The following RAP1GDS1 variants were observed in gnomAD, a reference collection of about 807,000 sequenced individuals.
RAP1GDS1 encodes Rap1 GTPase-GDP dissociation stimulator 1, also known as RAP1, GTP-GDP dissociation stimulator 1.
A neutral mutation model predicts 71.1 loss-of-function variants in RAP1GDS1; 35 were observed. That is an observed-to-expected ratio of 0.49 (90% confidence interval 0.38 to 0.65). RAP1GDS1 has a LOEUF of 0.65. Among genes scored for constraint, RAP1GDS1 ranks in the 30% least tolerant of loss-of-function variants. The pLI, the probability that RAP1GDS1 is intolerant of heterozygous loss-of-function variation, is 0.00. For missense variants in RAP1GDS1, 663 were observed against 706.1 expected (o/e 0.94, Z 0.69); for synonymous variants, 229 against 243.1 (o/e 0.94, Z 0.54).
chr4:98,338,434 A>T (rs1480840171), intron 2 of RAP1GDS1, among the ~76,000 whole-genome samples: 2 of 152,166 alleles, frequency 1.3e-5, no homozygotes, highest in Non-Finnish European at 2.9e-5. Flanking sequence ...AGATCAGATC[A>T]CCCAAAGCAG....
At chr4:98,390,858 A>G (rs532916122) in intron 5 of RAP1GDS1, among the ~76,000 whole-genome samples, 1 of 152,274 alleles carries the variant, frequency 6.6e-6, no homozygotes, top group East Asian at 1.9e-4. Context: ...GAATTTGGGG[A>G]AAATTATTAG....
At chr4:98,416,602 G>C in intron 7 of RAP1GDS1, 143 bp from the exon 8 acceptor site, 1 of 597,706 alleles carries the variant, frequency 1.7e-6, no homozygotes, top group Non-Finnish European at 2.6e-6. Flanking sequence ...CGCCCATCTC[G>C]GCCTCCCAAA....
chr4:98,313,910 G>A (rs1730606211), intron 2 of RAP1GDS1, among the ~76,000 whole-genome samples: 1 of 152,048 alleles, frequency 6.6e-6, no homozygotes, highest in Non-Finnish European at 1.5e-5. Flanking sequence ...AACCTCACAA[G>A]GAGGCTCCAA....
chr4:98,370,350 CATGTTA>C (rs1740186168), intron 4 of RAP1GDS1, among the ~76,000 whole-genome samples: 1 of 152,092 alleles, frequency 6.6e-6, no homozygotes. Context: ...CTAGAGAAAA[CATGTTA>C]ATGTTACCAT....
At chr4:98,348,253 A>G (rs1307012140) in intron 3 of RAP1GDS1, among the ~76,000 whole-genome samples, 1 of 152,044 alleles carries the variant, frequency 6.6e-6, no homozygotes, top group Non-Finnish European at 1.5e-5. Context: ...GCTGAGAATG[A>G]TGGTTTCCAC....
At chr4:98,358,633 T>C (rs964420579) in intron 4 of RAP1GDS1, among the ~76,000 whole-genome samples, 1 of 152,068 alleles carries the variant, frequency 6.6e-6, no homozygotes, top group African/African-American at 2.4e-5. Flanking sequence ...ATCAGTTTGA[T>C]GGAAACCTGA....
intron 4 of RAP1GDS1, among the ~76,000 whole-genome samples, chr4:98,358,987 C>G (rs1017358389): frequency 1.3e-5 from 2 of 151,856 alleles, no homozygotes; most frequent in Admixed American, 6.6e-5. Flanking sequence ...ATTCTCTTCC[C>G]TATGGGAAAT....
chr4:98,428,681 A>C (rs10022966), intron 12 of RAP1GDS1, among the ~76,000 whole-genome samples: 22,128 of 152,086 alleles, frequency 0.15, 2,370 homozygotes, highest in African/African-American at 0.3. Context: ...ATAATCAAAT[A>C]AAAAAATAAT....
At chr4:98,308,266 AC>A (rs1376044603) in intron 2 of RAP1GDS1, among the ~76,000 whole-genome samples, 5 of 141,788 alleles carry the variant, frequency 3.5e-5, no homozygotes, top group Non-Finnish European at 7.6e-5. Flanking sequence ...ATATACACAC[AC>A]ACCCACACAC....
intron 2 of RAP1GDS1, among the ~76,000 whole-genome samples, chr4:98,325,176 C>A (rs943816632): frequency 6.6e-6 from 1 of 151,822 alleles, no homozygotes; most frequent in Non-Finnish European, 1.5e-5. Flanking sequence ...AAAAAATGCT[C>A]ACCATCACTG....
At chr4:98,290,939 C>T (rs1385558799) in intron 1 of RAP1GDS1, among the ~76,000 whole-genome samples, 1 of 151,910 alleles carries the variant, frequency 6.6e-6, no homozygotes, top group Non-Finnish European at 1.5e-5. Context: ...TGGGGTCACA[C>T]TAATATTAAA....
chr4:98,428,300 T>C (rs1749908189), intron 12 of RAP1GDS1, among the ~76,000 whole-genome samples: 1 of 152,124 alleles, frequency 6.6e-6, no homozygotes, highest in Non-Finnish European at 1.5e-5. Flanking sequence ...AGGCAAGGAT[T>C]TCATGATCAA....
chr4:98,394,073 T>C (rs775332761), intron 6 of RAP1GDS1, among the ~76,000 whole-genome samples: 19 of 152,106 alleles, frequency 1.2e-4, no homozygotes, highest in Non-Finnish European at 2.6e-4. Context: ...TTAATGAAAT[T>C]TATCTCATCT....
chr4:98,325,272 A>G (rs1395800607), intron 2 of RAP1GDS1, among the ~76,000 whole-genome samples: 2 of 150,486 alleles, frequency 1.3e-5, no homozygotes, highest in African/African-American at 4.9e-5. Context: ...TCAGGAAACA[A>G]CAGGTGCTGG....
At chr4:98,391,876 G>GTGTT in intron 5 of RAP1GDS1, 76 bp from the exon 6 acceptor site, 18 of 1,318,638 alleles carry the variant, frequency 1.4e-5, no homozygotes, top group South Asian at 1.7e-5. Context: ...AAAATAAGAG[G>GTGTT]TGTTTTCTTC....
intron 4 of RAP1GDS1, among the ~76,000 whole-genome samples, chr4:98,367,394 C>T (rs7681316): frequency 2.0e-3 from 301 of 152,358 alleles, no homozygotes; most frequent in African/African-American, 7.1e-3. Flanking sequence ...TGGAGAACCT[C>T]TGCTAAGGCA....
chr4:98,285,731 T>A (rs1725863687), intron 1 of RAP1GDS1, among the ~76,000 whole-genome samples: 1 of 150,184 alleles, frequency 6.7e-6, no homozygotes, highest in South Asian at 2.1e-4. Context: ...ATCAAGGGAT[T>A]TCTGTTATGT....
At chr4:98,358,611 T>G (rs1738280283) in intron 4 of RAP1GDS1, among the ~76,000 whole-genome samples, 1 of 152,050 alleles carries the variant, frequency 6.6e-6, no homozygotes, top group Non-Finnish European at 1.5e-5. Context: ...ATCTCTGATT[T>G]TTGAGCCCAT....
chr4:98,323,141 C>G (rs1206326600), intron 2 of RAP1GDS1, among the ~76,000 whole-genome samples: 1 of 148,958 alleles, frequency 6.7e-6, no homozygotes, highest in Non-Finnish European at 1.5e-5. Context: ...ATACTACAAA[C>G]ACCTCTATGC....
Sources: gnomAD v4.1 joint callset for allele counts (sites outside exome capture counted in the v4.1 genomes callset) on GRCh38, gnomAD v4.1.1 for gene constraint, MANE v1.5 for transcripts, NCBI Gene and HGNC (gene_info 2026-07-23, HGNC 2026-07-21) for gene names.